Variants in MAGI2 observed in about 807,000 individuals in gnomAD.
The protein encoded by MAGI2 is membrane-associated guanylate kinase, WW and PDZ domain-containing protein 2.
MAGI2 carries 35 observed loss-of-function variants against 133.3 expected under a neutral mutation model. The observed-to-expected ratio is 0.26, with a 90% CI of 0.20 to 0.35. The LOEUF is 0.35. Among genes scored for constraint, MAGI2 ranks in the 10% least tolerant of loss-of-function variants. The probability of loss-of-function intolerance (pLI) is 1.00; values close to 1 mark genes in which losing one functional copy is unlikely to be tolerated. For synonymous variants in MAGI2, 729 were observed against 710.6 expected (o/e 1.03, Z -0.41); for missense variants, 1,636 against 1,863.4 (o/e 0.88, Z 2.25).
intron 21 of MAGI2, among the ~76,000 whole-genome samples, chr7:78,076,816 G>T (rs75361588): frequency 8.1e-6 from 1 of 123,436 alleles, no homozygotes; most frequent in African/African-American, 3.2e-5. Flanking sequence ...ACTGCAGTCC[G>T]CAGTCCGGCC....
chr7:79,408,100 A>G (rs1845928011), intron 1 of MAGI2, among the ~76,000 whole-genome samples: 1 of 152,138 alleles, frequency 6.6e-6, no homozygotes. Context: ...ATAAATAGAA[A>G]TAGTCTAGCT....
chr7:79,000,610 A>G (rs1295227399), intron 2 of MAGI2, among the ~76,000 whole-genome samples: 1 of 152,194 alleles, frequency 6.6e-6, no homozygotes, highest in Admixed American at 6.5e-5. Context: ...TTGCATAGCT[A>G]TACCTTTTGG....
At chr7:78,707,646 TG>T (rs1818787948) in intron 2 of MAGI2, among the ~76,000 whole-genome samples, 1 of 152,132 alleles carries the variant, frequency 6.6e-6, no homozygotes, top group South Asian at 2.1e-4. Context: ...CACTTAAATG[TG>T]CAAAAACTCT....
At chr7:79,143,569 A>G (rs1585035829) in intron 1 of MAGI2, among the ~76,000 whole-genome samples, 1 of 152,204 alleles carries the variant, frequency 6.6e-6, no homozygotes, top group East Asian at 1.9e-4. Flanking sequence ...TGACCACAAT[A>G]TCCCAATGCT....
At chr7:79,314,301 G>T (rs1012779117) in intron 1 of MAGI2, among the ~76,000 whole-genome samples, 14 of 151,898 alleles carry the variant, frequency 9.2e-5, no homozygotes, top group Non-Finnish European at 1.5e-4. Context: ...TAGAGACGGG[G>T]TTTCACCATG....
At chr7:79,186,975 G>T (rs1380792397) in intron 1 of MAGI2, among the ~76,000 whole-genome samples, 1 of 151,064 alleles carries the variant, frequency 6.6e-6, no homozygotes, top group African/African-American at 2.4e-5. Flanking sequence ...TAAGGAAGCA[G>T]TAATTTTTTT....
At chr7:79,358,266 T>C (rs1215551113) in intron 1 of MAGI2, among the ~76,000 whole-genome samples, 2 of 152,152 alleles carry the variant, frequency 1.3e-5, no homozygotes, top group South Asian at 4.1e-4. Flanking sequence ...ATAAGGAATA[T>C]TTTAATGTTG....
chr7:79,113,808 G>A (rs891687688), intron 1 of MAGI2, among the ~76,000 whole-genome samples: 11 of 77,054 alleles, frequency 1.4e-4, no homozygotes, highest in East Asian at 3.4e-4. Flanking sequence ...TATTACACAC[G>A]CTTACACACA....
At chr7:78,773,439 G>A (rs1201494985) in intron 2 of MAGI2, among the ~76,000 whole-genome samples, 1 of 152,190 alleles carries the variant, frequency 6.6e-6, no homozygotes, top group Non-Finnish European at 1.5e-5. Flanking sequence ...CTGACAGAGG[G>A]TAGAATAAAT....
intron 1 of MAGI2, among the ~76,000 whole-genome samples, chr7:79,174,618 A>G (rs994672852): frequency 4.0e-5 from 6 of 150,580 alleles, no homozygotes; most frequent in African/African-American, 1.5e-4. Context: ...TTGGGAGGCC[A>G]AGGTGGGAGG....
intron 6 of MAGI2, among the ~76,000 whole-genome samples, chr7:78,482,492 C>T (rs570683073): frequency 1.2e-4 from 18 of 152,012 alleles, no homozygotes; most frequent in African/African-American, 4.3e-4. Flanking sequence ...AAACTGGATA[C>T]AACCCACAAG....
At chr7:78,516,025 T>C (rs1404594350) in intron 4 of MAGI2, among the ~76,000 whole-genome samples, 4 of 152,096 alleles carry the variant, frequency 2.6e-5, no homozygotes, top group African/African-American at 7.2e-5. Context: ...AAAGTGCAAA[T>C]TGTATTACTG....
At position 78,202,448 on chromosome 7, in the gene MAGI2, C is replaced by T. The variant is rs566804810; in HGVS notation, c.2048-1255G>A. Among the ~76,000 whole-genome samples the T allele has an allele frequency of 6.6e-5, 10 of 151,934 alleles. No individual in the cohort carries two copies. The East Asian group carries it at 1.4e-3, about 21-fold the overall frequency. On this transcript the variant is annotated intron_variant, in intron 10 of 21. Coordinates refer to ENST00000354212, the MANE Select transcript of MAGI2 (RefSeq NM_012301.4). ...CTGTAATTCCAGCACTTTGGGAGGC[C>T]GAGGCGGGCGGATTACCCAAGGTCG...
chr7:78,911,751 A>T (rs772337834), intron 2 of MAGI2, among the ~76,000 whole-genome samples: 2 of 152,050 alleles, frequency 1.3e-5, no homozygotes, highest in Non-Finnish European at 2.9e-5. Context: ...TTTGTTCCAT[A>T]GGTAAACTCA....
intron 3 of MAGI2, among the ~76,000 whole-genome samples, chr7:78,624,440 T>C (rs1808100113): frequency 6.6e-6 from 1 of 152,164 alleles, no homozygotes; most frequent in Admixed American, 6.5e-5. Context: ...ATGTGGTACA[T>C]ATATACCATG....
intron 1 of MAGI2, among the ~76,000 whole-genome samples, chr7:79,377,340 C>T (rs1843448594): frequency 1.3e-5 from 2 of 151,910 alleles, no homozygotes; most frequent in South Asian, 2.1e-4. Flanking sequence ...GCTCAAACTA[C>T]ACGGTAGTCT....
At chr7:78,622,657 C>T (rs755950949) in intron 3 of MAGI2, among the ~76,000 whole-genome samples, 2 of 151,950 alleles carry the variant, frequency 1.3e-5, no homozygotes, top group African/African-American at 2.4e-5. Context: ...AGGTCTAGAG[C>T]TTATGACAAG....
chr7:78,282,852 A>C (rs1444370189), intron 9 of MAGI2, among the ~76,000 whole-genome samples: 2 of 152,084 alleles, frequency 1.3e-5, no homozygotes, highest in African/African-American at 4.8e-5. Flanking sequence ...AGCATTAAGA[A>C]GTCCTAAACA....
rs563348615 is a variant in MAGI2 at position 79,136,024 on chromosome 7, A to G, written c.302-128818T>C. ...GAAAGAGAAAGAAAGAAAGAAAGAA[A>G]GAAGGAAAGAAAGAAAGAAAGAAGG... is the stretch of plus-strand genomic sequence containing the variant. On this transcript the variant is annotated intron_variant, in intron 1 of 21. Transcript: ENST00000354212. 4.6e-3 allele frequency among the ~76,000 whole-genome samples: 584 copies of G among 126,862 alleles called. 4 individuals are homozygous for G. Among genetic ancestry groups the G allele is most frequent in the African/African-American group, 6.7e-3 (178 of 26,562 alleles). The allele number at this position is 126,862 out of a possible 152,430, so 83.2% of individuals were successfully genotyped here.
Sources: gnomAD v4.1 joint callset for allele counts (sites outside exome capture counted in the v4.1 genomes callset) on GRCh38, gnomAD v4.1.1 for gene constraint, MANE v1.5 for transcripts, NCBI Gene and HGNC (gene_info 2026-07-23, HGNC 2026-07-21) for gene names.